GATC: variants seen among roughly 807,000 people sequenced by gnomAD.
The protein encoded by GATC is glutamyl-tRNA amidotransferase subunit C.
In GATC, 11 loss-of-function variants were observed where a neutral mutation model predicts 14.4. The observed-to-expected ratio is 0.77, with a 90% CI of 0.48 to 1.27. The LOEUF (loss-of-function observed/expected upper bound fraction) is 1.27. GATC is among the 50% of genes most tolerant of loss of function. The pLI, the probability that GATC is intolerant of heterozygous loss-of-function variation, is 0.00. For synonymous variants in GATC, 76 were observed against 79.3 expected (o/e 0.96, Z 0.22); for missense variants, 204 against 183.0 (o/e 1.11, Z -0.66).
chr12:120,447,407 G>A (rs183751693), intron 2 of GATC, among the ~76,000 whole-genome samples: 1 of 152,072 alleles, frequency 6.6e-6, no homozygotes, highest in East Asian at 1.9e-4. Context: ...ACTCCATAGA[G>A]TCCCTACCTA....
In GATC at chr12:120,446,805, C is replaced by G; in HGVS notation, c.230C>G (p.Pro77Arg). ...LRAVDTDGVE[P>R]MESVLEDRCL... ...GCCGTGGACACAGACGGGGTGGAGC[C>G]CATGGAATCGGTCCTGGAGGACAGG... The change falls in exon 2 of 4, where the codon CCC becomes CGC. Residue 77 changes from proline (P) to arginine (R), a missense_variant. By Grantham distance (103) the Pro-to-Arg change is moderately radical. Coordinates refer to ENST00000551765, the MANE Select transcript of GATC (RefSeq NM_176818.3). 1 of 1,613,046 alleles carries G rather than the reference C, an allele frequency of 6.2e-7. No individual in the cohort carries two copies. The highest frequency in any genetic ancestry group is 1.1e-5 in the South Asian group (1 of 90,990).
At chr12:120,448,642 C>T (rs1477005974) in intron 2 of GATC, among the ~76,000 whole-genome samples, 3 of 87,492 alleles carry the variant, frequency 3.4e-5, no homozygotes, top group Admixed American at 1.5e-4. Flanking sequence ...AAGTCCATTC[C>T]TTTTTTTTTT....
rs1479687671 is a variant in GATC, at chr12:120,449,578, C to G, written c.254+2749C>G. 7.9e-5 allele frequency among the ~76,000 whole-genome samples: 12 copies of G among 151,770 alleles called. No individual in the cohort carries two copies. In the East Asian group the frequency reaches 2.1e-3, roughly 27 times the overall value. On this transcript the variant is annotated intron_variant, in intron 2 of 3. Transcript: ENST00000551765. ...TTCTCTTGCCTCAGCTTCCCGAGCA[C>G]CCGGGATTACAGGCATGCACCACCA...
At chr12:120,446,864 G>A (rs370981592) in intron 2 of GATC, 35 bp downstream of exon 2, 13 of 1,555,202 alleles carry the variant, frequency 8.4e-6, no homozygotes, top group Non-Finnish European at 1.1e-5. Context: ...AGCCTTGACC[G>A]TGGCCCGTTC....
chr12:120,458,255 A>G (rs1167301086), intron 3 of GATC, among the ~76,000 whole-genome samples: 43 of 151,794 alleles, frequency 2.8e-4, no homozygotes. Context: ...TGCCTGGCTA[A>G]TATTTTTGTA....
Position 120,451,875 on chromosome 12 carries a change from C to CTTTTTTTTTTTCTTTT in GATC, c.254+5057_254+5058insCTTTTTTTTTTTTTTT, listed in dbSNP as rs1382761116. On this transcript the variant is annotated intron_variant, in intron 2 of 3. Transcript: ENST00000551765. Reference sequence around the variant, plus strand: ...CAGGGGCTAATAAATTATATAAATTCTTTTTTTTTTTTTTTTTTTTGAGCT... The same window carrying CTTTTTTTTTTTCTTTT: ...CAGGGGCTAATAAATTATATAAATTCTTTTTTTTTTTCTTTTTTTTTTTTTTTTTTTTTTTTGAGCT... Among the ~76,000 whole-genome samples, 5 of 90,794 alleles carry CTTTTTTTTTTTCTTTT rather than the reference C, an allele frequency of 5.5e-5. 2 individuals carry two copies. Among genetic ancestry groups the CTTTTTTTTTTTCTTTT allele is most frequent in the African/African-American group, 2.1e-4 (5 of 23,936 alleles). 59.6% of individuals were successfully genotyped at this position (90,794 alleles called of 152,430 possible).
At chr12:120,448,571 C>T (rs1042660381) in intron 2 of GATC, among the ~76,000 whole-genome samples, 1 of 151,302 alleles carries the variant, frequency 6.6e-6, no homozygotes, top group African/African-American at 2.4e-5. Flanking sequence ...TCAAGTGATC[C>T]GCCCATCTTC....
chr12:120,452,092 C>G (rs1395932812), intron 2 of GATC, among the ~76,000 whole-genome samples: 1 of 151,766 alleles, frequency 6.6e-6, no homozygotes, highest in Non-Finnish European at 1.5e-5. Flanking sequence ...GGTCAGGCTG[C>G]TCTTGAACTC....
intron 3 of GATC, among the ~76,000 whole-genome samples, chr12:120,457,679 T>C (rs1266484475): frequency 6.9e-6 from 1 of 145,552 alleles, no homozygotes; most frequent in Non-Finnish European, 1.5e-5. Flanking sequence ...CAATCTCGGC[T>C]CACCGCAACC....
At chr12:120,447,443 A>G (rs1877907101) in intron 2 of GATC, among the ~76,000 whole-genome samples, 1 of 151,242 alleles carries the variant, frequency 6.6e-6, no homozygotes, top group Non-Finnish European at 1.5e-5. Flanking sequence ...TCTTCTCAGT[A>G]CTCTCCTTGG....
In GATC at chr12:120,462,001, A is replaced by G. The variant is rs1352575354; in HGVS notation, c.*2042A>G. On this transcript the variant is annotated 3_prime_UTR_variant, in exon 4 of 4. Transcript: ENST00000551765. ...TCAGTTAACCTAAAAAATAAAGAAAAAATTCCCATCACCTGTCTCAGTAGG... is the reference window on the plus strand; with the variant it reads ...TCAGTTAACCTAAAAAATAAAGAAAGAATTCCCATCACCTGTCTCAGTAGG... 1 of 1,590,030 alleles carries G rather than the reference A, an allele frequency of 6.3e-7. No homozygotes were observed. Among genetic ancestry groups the G allele is most frequent in the African/African-American group, 1.4e-5 (1 of 73,988 alleles).
intron 3 of GATC, among the ~76,000 whole-genome samples, chr12:120,458,739 A>G (rs925666390): frequency 8.6e-5 from 13 of 151,684 alleles, no homozygotes; most frequent in Non-Finnish European, 1.6e-4. Context: ...GGATATCCTG[A>G]GGGAGAATCA....
At position 120,460,016 on chromosome 12, in the gene GATC, T is replaced by C. The variant is rs1213316925; in HGVS notation, c.*57T>C. The C allele has an allele frequency of 7.6e-7, 1 of 1,324,050 alleles. No homozygotes were observed. 82.0% of individuals were successfully genotyped at this position (1,324,050 alleles called of 1,614,324 possible). On this transcript the variant is annotated 3_prime_UTR_variant, in exon 4 of 4. Transcript: ENST00000551765. ...AACATGTGGAAGCATAATGACAGTA[T>C]TTTTTTACTGTGAATACTAATGTTC...
chr12:120,451,573 C>T (rs187325453), intron 2 of GATC, among the ~76,000 whole-genome samples: 4 of 152,110 alleles, frequency 2.6e-5, no homozygotes, highest in Admixed American at 2.6e-4. Context: ...GAAACTCCTT[C>T]TCTACTAAAA....
chr12:120,458,447 C>A (rs962793281), intron 3 of GATC, among the ~76,000 whole-genome samples: 3 of 152,038 alleles, frequency 2.0e-5, no homozygotes, highest in Admixed American at 2.0e-4. Context: ...CCATCCAAGC[C>A]AAATAAAACA....
intron 2 of GATC, chr12:120,455,041 C>A: frequency 2.3e-6 from 1 of 435,032 alleles, no homozygotes. Context: ...GTATGTACCA[C>A]CATGCCCGGC....
At chr12:120,447,587 C>T (rs1877912015) in intron 2 of GATC, among the ~76,000 whole-genome samples, 1 of 152,128 alleles carries the variant, frequency 6.6e-6, no homozygotes, top group Admixed American at 6.6e-5. Context: ...CTTATCTTCT[C>T]AGAAAGGGCT....
intron 3 of GATC, among the ~76,000 whole-genome samples, chr12:120,459,175 A>G (rs1177737120): frequency 6.6e-6 from 1 of 151,984 alleles, no homozygotes; most frequent in Non-Finnish European, 1.5e-5. Context: ...TAAACTCTTA[A>G]TCATGCCTCC....
intron 3 of GATC, among the ~76,000 whole-genome samples, chr12:120,457,683 C>T (rs1209436855): frequency 4.6e-5 from 7 of 150,716 alleles, no homozygotes; most frequent in South Asian, 2.1e-4. Context: ...CTCGGCTCAC[C>T]GCAACCTCCA....
Sources: allele counts gnomAD v4.1 joint callset (sites outside exome capture counted in the v4.1 genomes callset), GRCh38; gene constraint gnomAD v4.1.1; transcripts MANE v1.5; gene names NCBI Gene and HGNC (gene_info 2026-07-23, HGNC 2026-07-21).